Variants in SGCD observed in about 807,000 individuals in gnomAD.
The protein encoded by SGCD is sarcoglycan delta.
A neutral mutation model predicts 36.6 loss-of-function variants in SGCD; 18 were observed. The observed-to-expected ratio is 0.49, with a 90% CI of 0.34 to 0.73. The LOEUF is 0.73. Among genes scored for constraint, SGCD ranks in the 30% least tolerant of loss-of-function variants. The probability of loss-of-function intolerance (pLI) is 0.01; values close to 1 mark genes in which losing one functional copy is unlikely to be tolerated. For synonymous variants in SGCD, 133 were observed against 130.6 expected, an observed-to-expected ratio of 1.02 and a Z score of -0.12; for missense variants, 387 against 346.7, an observed-to-expected ratio of 1.12 and a Z score of -0.92.
intron 1 of SGCD, among the ~76,000 whole-genome samples, chr5:155,895,663 CTG>C (rs1554102848): frequency 6.8e-6 from 1 of 147,514 alleles, no homozygotes; most frequent in Non-Finnish European, 1.5e-5. Flanking sequence ...AGTATAATGA[CTG>C]TATGATTTCT....
At chr5:156,625,151 A>G (rs1218618403) in intron 6 of SGCD, among the ~76,000 whole-genome samples, 1 of 152,204 alleles carries the variant, frequency 6.6e-6, no homozygotes, top group Non-Finnish European at 1.5e-5. Context: ...CCAGCACCAT[A>G]GGAATGATGC....
chr5:156,716,244 T>C (rs1375693255), intron 7 of SGCD, among the ~76,000 whole-genome samples: 2 of 152,218 alleles, frequency 1.3e-5, no homozygotes, highest in Non-Finnish European at 2.9e-5. Flanking sequence ...ATCCATGATG[T>C]GCTTACCCTT....
intron 1 of SGCD, among the ~76,000 whole-genome samples, chr5:155,926,705 G>A (rs958154509): frequency 2.6e-5 from 4 of 152,126 alleles, no homozygotes; most frequent in Non-Finnish European, 4.4e-5. Context: ...CCATGGTGGG[G>A]AGTGTTAAAA....
At chr5:156,471,953 G>T (rs1754987398) in intron 3 of SGCD, among the ~76,000 whole-genome samples, 1 of 149,064 alleles carries the variant, frequency 6.7e-6, no homozygotes, top group African/African-American at 2.6e-5. Flanking sequence ...AAGGGCAAAA[G>T]ACTTAAACAC....
chr5:156,419,235 C>T (rs1020421437), intron 3 of SGCD, among the ~76,000 whole-genome samples: 1 of 152,154 alleles, frequency 6.6e-6, no homozygotes, highest in African/African-American at 2.4e-5. Flanking sequence ...CAATATCAAT[C>T]ACCTGCCCCT....
chr5:156,311,062 G>A (rs1767378004), intron 3 of SGCD, among the ~76,000 whole-genome samples: 2 of 152,214 alleles, frequency 1.3e-5, no homozygotes, highest in Non-Finnish European at 2.9e-5. Context: ...GTGAGTTTAA[G>A]AGGTGAATAA....
chr5:156,480,792 C>G (rs189779213), intron 3 of SGCD, among the ~76,000 whole-genome samples: 438 of 152,288 alleles, frequency 2.9e-3, no homozygotes, highest in African/African-American at 0.01. Flanking sequence ...CTAGAAAACT[C>G]TAAAAGCTAA....
intron 3 of SGCD, among the ~76,000 whole-genome samples, chr5:156,295,677 A>T (rs1188366385): frequency 2.6e-5 from 4 of 152,152 alleles, no homozygotes; most frequent in Admixed American, 2.0e-4. Flanking sequence ...ATACTTCTTT[A>T]TCCTAGCAGA....
At chr5:156,074,480 GA>G (rs112024716) in intron 1 of SGCD, among the ~76,000 whole-genome samples, 9,920 of 152,106 alleles carry the variant, frequency 0.065, 1,019 homozygotes, top group African/African-American at 0.22. Flanking sequence ...TCAGGAGTTA[GA>G]AATCAGCCTG....
intron 1 of SGCD, among the ~76,000 whole-genome samples, chr5:155,894,394 T>C (rs1023599713): frequency 7.2e-5 from 11 of 152,132 alleles, no homozygotes; most frequent in Admixed American, 3.9e-4. Flanking sequence ...CGTGACTTTA[T>C]ATGTGGAATT....
At chr5:156,249,433 G>A (rs1561583941) in intron 3 of SGCD, among the ~76,000 whole-genome samples, 1 of 152,162 alleles carries the variant, frequency 6.6e-6, no homozygotes, top group Admixed American at 6.5e-5. Flanking sequence ...GTTTTGATGG[G>A]AACAGATGCC....
At chr5:156,281,970 G>T (rs1390185675) in intron 3 of SGCD, among the ~76,000 whole-genome samples, 1 of 152,078 alleles carries the variant, frequency 6.6e-6, no homozygotes, top group Non-Finnish European at 1.5e-5. Flanking sequence ...GGCGGAGCTT[G>T]CAGTGAGCCA....
At chr5:156,205,976 T>C (rs1317381167) in intron 3 of SGCD, among the ~76,000 whole-genome samples, 3 of 141,274 alleles carry the variant, frequency 2.1e-5, no homozygotes, top group Middle Eastern at 3.4e-3. Context: ...TATATGTGTG[T>C]GTATATATAT....
intron 3 of SGCD, among the ~76,000 whole-genome samples, chr5:156,376,863 A>C (rs1770697866): frequency 6.6e-6 from 1 of 152,118 alleles, no homozygotes; most frequent in Non-Finnish European, 1.5e-5. Flanking sequence ...AAAAGATATA[A>C]TTTCCATTTG....
chr5:155,944,911 CA>C lies in SGCD; in HGVS notation c.-282+74496del, dbSNP rs201488355. On this transcript the variant is annotated intron_variant, in intron 1 of 9. Coordinates refer to the SGCD transcript ENST00000517913. ...TGCCTTTGAAGATGTAAGAGCCATG[CA>C]AAAAAAAATAATAATAATAAGGGAG... Among the ~76,000 whole-genome samples, 35 of 143,854 alleles carry C rather than the reference CA, an allele frequency of 2.4e-4. No individual in the cohort carries two copies. The South Asian group carries it at 4.5e-3, about 18-fold the overall frequency. 94.4% of individuals were successfully genotyped at this position (143,854 alleles called of 152,430 possible).
intron 3 of SGCD, among the ~76,000 whole-genome samples, chr5:156,305,307 G>GT (rs1335927561): frequency 1.3e-5 from 2 of 152,156 alleles, no homozygotes; most frequent in Non-Finnish European, 2.9e-5. Context: ...GGGACTTGGT[G>GT]TCCTGCATCC....
chr5:156,614,093 C>T (rs374794502), intron 6 of SGCD, among the ~76,000 whole-genome samples: 18 of 152,082 alleles, frequency 1.2e-4, no homozygotes, highest in African/African-American at 3.4e-4. Context: ...ATTACAGGTA[C>T]GCACCATCAC....
intron 8 of SGCD, 72 bp from the exon 9 acceptor site, chr5:156,759,145 G>T: frequency 8.6e-7 from 1 of 1,160,450 alleles, no homozygotes; most frequent in East Asian, 2.3e-5. Flanking sequence ...ACATTCACTT[G>T]CTGTTTCTGA....
chr5:155,851,845 T>C, the SGCD span, among the ~76,000 whole-genome samples: 1 of 152,184 alleles, frequency 6.6e-6, no homozygotes, highest in East Asian at 1.9e-4. Context: ...CTGGATGGTG[T>C]CTAGAGCCAG....
Sources: allele counts gnomAD v4.1 joint callset (sites outside exome capture counted in the v4.1 genomes callset), GRCh38; gene constraint gnomAD v4.1.1; transcripts MANE v1.5; gene names NCBI Gene and HGNC (gene_info 2026-07-23, HGNC 2026-07-21).